GNAO1: variants seen among roughly 807,000 people sequenced by gnomAD.
GNAO1 encodes the protein G protein subunit alpha o1.
For missense variants in GNAO1, 166 were observed against 478.7 expected (o/e 0.35, Z 6.10); for synonymous variants, 164 against 180.7 (o/e 0.91, Z 0.74).
chr16:56,249,344 C>G (rs1483044613), intron 2 of GNAO1, among the ~76,000 whole-genome samples: 1 of 152,172 alleles, frequency 6.6e-6, no homozygotes, highest in Non-Finnish European at 1.5e-5. Context: ...GCTACGACAC[C>G]GTTTCCTTCA....
At position 56,328,639 on chromosome 16, in the gene GNAO1, C is replaced by G. The variant is rs1175648185; in HGVS notation, c.312C>G (p.Ala104=). Residue 104 remains alanine (A), a synonymous_variant, in exon 4 of 9, where the codon GCC becomes GCG. Transcript: ENST00000262493. ...TCCACCTCTCCTCACAGGCTGACGC[C>G]AAGATGGTGTGTGATGTGGTGAGTC... The part of the protein sequence containing the change: ...EYGDKERKAD[A]KMVCDVVSRM... 6.2e-7 allele frequency: 1 copy of G among 1,613,956 alleles called. No homozygotes were observed. Among genetic ancestry groups the G allele is most frequent in the South Asian group, 1.1e-5 (1 of 91,074 alleles).
chr16:56,295,233 T>C (rs559158788), intron 3 of GNAO1, among the ~76,000 whole-genome samples: 3 of 152,310 alleles, frequency 2.0e-5, no homozygotes, highest in East Asian at 1.9e-4. Flanking sequence ...GAAGTGATCA[T>C]GGTATCAGAG....
At chr16:56,276,154 G>A in intron 3 of GNAO1, 82 bp downstream of exon 3, 1 of 1,244,784 alleles carries the variant, frequency 8.0e-7, no homozygotes, top group Non-Finnish European at 1.1e-6. Context: ...GTGCTGGGCT[G>A]CCTTAAATGA....
chr16:56,292,847 T>C (rs1292553909), intron 3 of GNAO1, among the ~76,000 whole-genome samples: 1 of 152,232 alleles, frequency 6.6e-6, no homozygotes, highest in African/African-American at 2.4e-5. Flanking sequence ...AACAGAAGTT[T>C]CTTGACACTC....
At chr16:56,224,983 T>C (rs2036521987) in intron 2 of GNAO1, among the ~76,000 whole-genome samples, 1 of 152,176 alleles carries the variant, frequency 6.6e-6, no homozygotes, top group South Asian at 2.1e-4. Flanking sequence ...CTGGCTCCAC[T>C]GAGGCTGAAC....
intron 2 of GNAO1, among the ~76,000 whole-genome samples, chr16:56,243,131 G>A (rs1462979191): frequency 1.3e-5 from 2 of 151,948 alleles, no homozygotes; most frequent in Non-Finnish European, 1.5e-5. Context: ...CCATCTAGTT[G>A]CAGGAAAACA....
At chr16:56,218,633 C>T (rs1596802952) in intron 2 of GNAO1, among the ~76,000 whole-genome samples, 1 of 152,154 alleles carries the variant, frequency 6.6e-6, no homozygotes, top group African/African-American at 2.4e-5. Flanking sequence ...ACCCTGCCTG[C>T]CCCCACCCAG....
chr16:56,253,063 G>T (rs921758224), intron 2 of GNAO1, among the ~76,000 whole-genome samples: 3 of 152,214 alleles, frequency 2.0e-5, no homozygotes, highest in Non-Finnish European at 2.9e-5. Context: ...TGTCTGACTA[G>T]ATAGCAGCAG....
intron 2 of GNAO1, among the ~76,000 whole-genome samples, chr16:56,243,873 C>T (rs1184605793): frequency 3.3e-5 from 5 of 152,164 alleles, no homozygotes; most frequent in African/African-American, 1.2e-4. Context: ...ATTTTACGTG[C>T]ATTAACTCAT....
rs893947952 is a variant in GNAO1 at position 56,194,473 on chromosome 16, C to T, written c.161+1857C>T. On this transcript the variant is annotated intron_variant, in intron 2 of 8. Coordinates refer to ENST00000262493, the MANE Select transcript of GNAO1 (RefSeq NM_020988.3). The stretch of plus-strand genomic sequence containing the variant: ...CACCTGAGCTGGATGAGGTTTCAGG[C>T]GTTGCAAGTGGTGGACAGCGCCCAG... The T allele has an allele frequency of 1.2e-5, 4 of 340,656 alleles. No homozygotes were observed. The Admixed American group carries it at 1.5e-4, about 13-fold the overall frequency. The allele number at this position is 340,656 out of a possible 1,614,324, so 21.1% of individuals were successfully genotyped here.
intron 2 of GNAO1, among the ~76,000 whole-genome samples, chr16:56,229,609 GTGGATGGA>G (rs149366140): frequency 5.6e-4 from 84 of 151,162 alleles, no homozygotes; most frequent in East Asian, 2.7e-3. Context: ...GGATGGGTGG[GTGGATGGA>G]TGGATGGATG....
chr16:56,281,517 C>T (rs1302792614), intron 3 of GNAO1, among the ~76,000 whole-genome samples: 3 of 151,930 alleles, frequency 2.0e-5, no homozygotes, highest in Admixed American at 1.3e-4. Flanking sequence ...CTTTCCCCTC[C>T]CCTTCTATCT....
At chr16:56,217,311 A>G (rs1392968347) in intron 2 of GNAO1, among the ~76,000 whole-genome samples, 1 of 152,222 alleles carries the variant, frequency 6.6e-6, no homozygotes, top group East Asian at 1.9e-4. Context: ...GTTCAATCCA[A>G]GGTGATTGCT....
At chr16:56,318,565 T>C (rs958192333) in intron 3 of GNAO1, among the ~76,000 whole-genome samples, 1 of 152,174 alleles carries the variant, frequency 6.6e-6, no homozygotes, top group Non-Finnish European at 1.5e-5. Context: ...TCCCTGCAAC[T>C]GGAGGACTGG....
chr16:56,307,153 G>A (rs1176726163), intron 3 of GNAO1: 1 of 152,244 alleles, frequency 6.6e-6, no homozygotes, highest in Non-Finnish European at 1.5e-5. Flanking sequence ...TTCTTATGCA[G>A]AGCGCCCAGT....
intron 2 of GNAO1, 130 bp downstream of exon 2, chr16:56,192,746 A>ACC: frequency 1.6e-6 from 1 of 634,170 alleles, no homozygotes; most frequent in Non-Finnish European, 2.9e-6. Context: ...ACACACACAC[A>ACC]CACACCCCTA....
intron 2 of GNAO1, among the ~76,000 whole-genome samples, chr16:56,225,039 C>T (rs1488652203): frequency 6.6e-6 from 1 of 152,170 alleles, no homozygotes; most frequent in African/African-American, 2.4e-5. Context: ...TGATAGTGTC[C>T]CCCATCTCCA....
intron 3 of GNAO1, among the ~76,000 whole-genome samples, chr16:56,283,472 C>T (rs1185265535): frequency 6.6e-6 from 1 of 152,168 alleles, no homozygotes; most frequent in East Asian, 1.9e-4. Context: ...ATTGGATCTC[C>T]TCTGGTAAAA....
intron 3 of GNAO1, among the ~76,000 whole-genome samples, chr16:56,304,501 A>G (rs539832592): frequency 5.1e-4 from 78 of 152,272 alleles, no homozygotes; most frequent in Non-Finnish European, 9.8e-4. Context: ...TTTCATGTCC[A>G]TTGTTCCTAA....
Sources: gnomAD v4.1 joint callset for allele counts (sites outside exome capture counted in the v4.1 genomes callset) on GRCh38, gnomAD v4.1.1 for gene constraint, MANE v1.5 for transcripts, NCBI Gene and HGNC (gene_info 2026-07-23, HGNC 2026-07-21) for gene names.